Variants in ARHGAP22 observed in about 807,000 individuals in gnomAD.
ARHGAP22 encodes Rho GTPase activating protein 22, also known as rho GTPase-activating protein 22.
Under a neutral mutation model 59.1 loss-of-function variants are expected in ARHGAP22, and 48 were observed. The observed-to-expected ratio is 0.81, with a 90% CI of 0.64 to 1.03. ARHGAP22 has a LOEUF of 1.03. Among genes scored for constraint, ARHGAP22 ranks in the 50% least tolerant of loss-of-function variants. The pLI, the probability that ARHGAP22 is intolerant of heterozygous loss-of-function variation, is 0.00. For synonymous variants in ARHGAP22, 445 were observed against 416.4 expected, an observed-to-expected ratio of 1.07 and a Z score of -0.84; for missense variants, 1,015 against 958.7, an observed-to-expected ratio of 1.06 and a Z score of -0.78.
chr10:48,546,647 G>C (rs527827394), intron 3 of ARHGAP22: 1 of 172,456 alleles, frequency 5.8e-6, no homozygotes, highest in Admixed American at 5.5e-5. Context: ...TGGTGGCTCT[G>C]CCTTTCCATT....
chr10:48,629,014 T>C (rs567728319), intron 1 of ARHGAP22, among the ~76,000 whole-genome samples: 1 of 152,174 alleles, frequency 6.6e-6, no homozygotes, highest in Non-Finnish European at 1.5e-5. Flanking sequence ...ATTCACAGCA[T>C]TATGTGTAAC....
At chr10:48,557,518 A>C (rs1350785196) in intron 2 of ARHGAP22, among the ~76,000 whole-genome samples, 1 of 152,202 alleles carries the variant, frequency 6.6e-6, no homozygotes, top group African/African-American at 2.4e-5. Flanking sequence ...CCAGACAAGC[A>C]GACAGAGGTC....
chr10:48,562,277 C>T (rs185238854), intron 2 of ARHGAP22, among the ~76,000 whole-genome samples: 201 of 60,184 alleles, frequency 3.3e-3, no homozygotes, highest in African/African-American at 0.013. Flanking sequence ...ACGACCCAGC[C>T]ATTCCGCTCC....
downstream of ARHGAP22, among the ~76,000 whole-genome samples, chr10:48,441,318 TG>T (rs2045196789): frequency 5.9e-5 from 9 of 151,834 alleles, no homozygotes; most frequent in Non-Finnish European, 1.3e-4. Context: ...CTAGTTCAAG[TG>T]AGTGGAGAAG....
Position 48,604,863 on chromosome 10 carries a change from C to G in ARHGAP22, c.-67G>C. 1 of 1,612,692 alleles carries G rather than the reference C, an allele frequency of 6.2e-7. No individual in the cohort carries two copies. Among genetic ancestry groups the G allele is most frequent in the Non-Finnish European group, 8.5e-7 (1 of 1,179,816 alleles). ...CTGTCATCCACTTGCTTTTGCTCGT[C>G]CTCGCGCCTAGTCGCCCCTCATGTC... On this transcript the variant is annotated 5_prime_UTR_variant, in exon 1 of 10. Coordinates refer to ENST00000249601, the MANE Select transcript of ARHGAP22 (RefSeq NM_021226.4).
chr10:48,461,783 T>G (rs1181687796), intron 4 of ARHGAP22, among the ~76,000 whole-genome samples: 1 of 152,204 alleles, frequency 6.6e-6, no homozygotes, highest in East Asian at 1.9e-4. Flanking sequence ...AGACCTTCCC[T>G]GCAGGGTGGC....
intron 3 of ARHGAP22, among the ~76,000 whole-genome samples, chr10:48,499,360 A>G (rs2051276988): frequency 6.6e-6 from 1 of 152,384 alleles, no homozygotes; most frequent in East Asian, 1.9e-4. Context: ...TTGCTGGTGC[A>G]CACTGGCGGC....
intron 3 of ARHGAP22, among the ~76,000 whole-genome samples, chr10:48,519,522 G>C (rs2053609895): frequency 6.6e-6 from 1 of 152,192 alleles, no homozygotes; most frequent in Non-Finnish European, 1.5e-5. Context: ...TGAGCTCAAT[G>C]GTTTCCTGTC....
In ARHGAP22 at chr10:48,462,281, C is replaced by T. The variant is rs372552471; in HGVS notation, c.452-2390G>A. On this transcript the variant is annotated intron_variant, in intron 4 of 9. Transcript: ENST00000249601. Reference sequence around the variant, plus strand: ...GGGCACCTGAGTGTGAGGAGAGTGCCGAAGTAGCTACACACGGTGTTGTGG... The same window carrying T: ...GGGCACCTGAGTGTGAGGAGAGTGCTGAAGTAGCTACACACGGTGTTGTGG... Among the ~76,000 whole-genome samples the T allele has an allele frequency of 2.0e-5, 3 of 151,246 alleles. 1 individual carries two copies. Among genetic ancestry groups the T allele is most frequent in the South Asian group, 4.2e-4 (2 of 4,790 alleles).
intron 1 of ARHGAP22, among the ~76,000 whole-genome samples, chr10:48,603,125 G>A (rs867923538): frequency 5.3e-5 from 8 of 152,200 alleles, no homozygotes; most frequent in Admixed American, 1.3e-4. Flanking sequence ...GCACCCCTCA[G>A]TTGGAATAAC....
intron 5 of ARHGAP22, among the ~76,000 whole-genome samples, chr10:48,458,969 C>T (rs2046856335): frequency 6.6e-6 from 1 of 152,174 alleles, no homozygotes; most frequent in Admixed American, 6.5e-5. Flanking sequence ...GGGCTGCCTG[C>T]AGGTCCTGGT....
Position 48,555,505 on chromosome 10 carries a change from C to A in ARHGAP22, c.280G>T (p.Gly94Cys). 6.2e-7 allele frequency: 1 copy of A among 1,614,218 alleles called. No individual in the cohort carries two copies. Among genetic ancestry groups the A allele is most frequent in the Non-Finnish European group, 8.5e-7 (1 of 1,180,024 alleles). The change falls in exon 3 of 10, where the codon GGC becomes TGC. Residue 94 changes from glycine (G) to cysteine (C), a missense_variant. Transcript: ENST00000249601. ...AGGTGCTTCCCTGGGTCCTCGGGGC[C>A]AGGAGGAAGTTCAGTCACCTGTGTC... ...QGTQVTELPP[G>C]PEDPGKHLFE...
chr10:48,487,233 AT>A (rs796502960), intron 3 of ARHGAP22, among the ~76,000 whole-genome samples: 2 of 151,830 alleles, frequency 1.3e-5, no homozygotes, highest in African/African-American at 4.8e-5. Flanking sequence ...TTTTTGTTAA[AT>A]TTTTTTTCTC....
chr10:48,522,433 CA>C lies in ARHGAP22; in HGVS notation c.322+33029del, dbSNP rs530544669. On this transcript the variant is annotated intron_variant, in intron 3 of 9. Transcript: ENST00000249601. ...CACAGCCCCAGAGGACAGACCTAAG[CA>C]AGAGGAGGTGCCCCTGGCTCTCTTC... 1.8e-3 allele frequency among the ~76,000 whole-genome samples: 269 copies of C among 152,348 alleles called. 2 individuals are homozygous for C. The highest frequency in any genetic ancestry group is 6.2e-3 in the African/African-American group (258 of 41,566).
At chr10:48,633,719 G>A (rs1465900503) in intron 1 of ARHGAP22, among the ~76,000 whole-genome samples, 7 of 152,208 alleles carry the variant, frequency 4.6e-5, no homozygotes, top group Non-Finnish European at 7.3e-5. Context: ...AGCAGGGAGG[G>A]AGGGCTGGCT....
At chr10:48,616,889 A>G (rs939537962) in intron 1 of ARHGAP22, among the ~76,000 whole-genome samples, 56 of 152,114 alleles carry the variant, frequency 3.7e-4, no homozygotes, top group African/African-American at 1.2e-3. Context: ...TCACATGAAG[A>G]AATTAAAAAT....
intron 3 of ARHGAP22, among the ~76,000 whole-genome samples, chr10:48,490,489 G>C (rs7091343): frequency 0.93 from 141,239 of 152,214 alleles, 66,459 homozygotes; most frequent in East Asian, 1. Flanking sequence ...CATTGATACG[G>C]AACAGCCAGA....
intron 3 of ARHGAP22, among the ~76,000 whole-genome samples, chr10:48,554,686 A>G (rs1324289558): frequency 6.6e-6 from 1 of 152,122 alleles, no homozygotes; most frequent in Non-Finnish European, 1.5e-5. Context: ...GGGTGGGTAG[A>G]GCCCCAGCCT....
intron 5 of ARHGAP22, among the ~76,000 whole-genome samples, chr10:48,457,999 G>A (rs892302468): frequency 2.7e-5 from 4 of 146,576 alleles, no homozygotes; most frequent in Non-Finnish European, 6.0e-5. Context: ...GGTGGGGAGG[G>A]CCCCTCTGTG....
Sources: gnomAD v4.1 joint callset for allele counts (sites outside exome capture counted in the v4.1 genomes callset) on GRCh38, gnomAD v4.1.1 for gene constraint, MANE v1.5 for transcripts, NCBI Gene and HGNC (gene_info 2026-07-23, HGNC 2026-07-21) for gene names.